Variants in SLC24A3 observed in about 807,000 individuals in gnomAD.
SLC24A3 encodes sodium/potassium/calcium exchanger 3.
SLC24A3 carries 28 observed loss-of-function variants against 75.8 expected under a neutral mutation model. The observed-to-expected ratio is 0.37, with a 90% confidence interval of 0.27 to 0.51. The LOEUF (loss-of-function observed/expected upper bound fraction) is 0.51, where lower values mean the gene tolerates loss of function less well. SLC24A3 is among the 20% of genes least tolerant of loss of function. The probability of loss-of-function intolerance (pLI) is 0.94; values close to 1 mark genes in which losing one functional copy is unlikely to be tolerated. For synonymous variants in SLC24A3, 372 were observed against 334.1 expected, an observed-to-expected ratio of 1.11 and a Z score of -1.24; for missense variants, 663 against 847.8, an observed-to-expected ratio of 0.78 and a Z score of 2.71.
At chr20:19,536,778 G>C (rs1243628985) in intron 3 of SLC24A3, among the ~76,000 whole-genome samples, 2 of 152,178 alleles carry the variant, frequency 1.3e-5, no homozygotes, top group Admixed American at 1.3e-4. Flanking sequence ...AATGGGGAAA[G>C]GATTCCCTAT....
At chr20:19,490,428 G>A (rs931839711) in intron 2 of SLC24A3, among the ~76,000 whole-genome samples, 15 of 152,250 alleles carry the variant, frequency 9.9e-5, no homozygotes, top group African/African-American at 2.6e-4. Context: ...CTTTGTTACC[G>A]AATCCCCTGA....
intron 2 of SLC24A3, among the ~76,000 whole-genome samples, chr20:19,364,978 C>A (rs1015593239): frequency 6.6e-6 from 1 of 152,190 alleles, no homozygotes; most frequent in Admixed American, 6.5e-5. Context: ...AGGGATGCAT[C>A]AGGCAGCCTC....
intron 2 of SLC24A3, among the ~76,000 whole-genome samples, chr20:19,467,970 T>C (rs1600242005): frequency 6.6e-6 from 1 of 151,538 alleles, no homozygotes; most frequent in Non-Finnish European, 1.5e-5. Context: ...AGGTATGTCC[T>C]AGAAACCAGG....
At chr20:19,575,160 G>A (rs1234397597) in intron 3 of SLC24A3, among the ~76,000 whole-genome samples, 2 of 151,304 alleles carry the variant, frequency 1.3e-5, no homozygotes, top group Non-Finnish European at 2.9e-5. Context: ...GCTAAGGTAG[G>A]AGGATTTCTT....
intron 6 of SLC24A3, among the ~76,000 whole-genome samples, chr20:19,650,322 G>T (rs1431628108): frequency 6.6e-6 from 1 of 152,130 alleles, no homozygotes; most frequent in African/African-American, 2.4e-5. Flanking sequence ...AGTGCAAGAT[G>T]CATTTCTTGC....
chr20:19,518,789 G>A (rs1367093266), intron 3 of SLC24A3, among the ~76,000 whole-genome samples: 1 of 152,234 alleles, frequency 6.6e-6, no homozygotes, highest in African/African-American at 2.4e-5. Flanking sequence ...GTGACCCAGA[G>A]TCATCTGCCC....
chr20:19,556,215 G>A (rs898544385), intron 3 of SLC24A3, among the ~76,000 whole-genome samples: 7 of 152,008 alleles, frequency 4.6e-5, no homozygotes, highest in Non-Finnish European at 1.0e-4. Context: ...ATTTGGGGGG[G>A]ACATACACAT....
At chr20:19,524,363 C>T (rs2122567920) in intron 3 of SLC24A3, among the ~76,000 whole-genome samples, 1 of 152,338 alleles carries the variant, frequency 6.6e-6, no homozygotes, top group African/African-American at 2.4e-5. Flanking sequence ...CACAGCAAAA[C>T]TCTGGCCGGA....
intron 9 of SLC24A3, among the ~76,000 whole-genome samples, chr20:19,677,509 G>A (rs1029587403): frequency 4.6e-5 from 7 of 151,470 alleles, no homozygotes; most frequent in Non-Finnish European, 8.8e-5. Flanking sequence ...CCATGCATTC[G>A]TCACCACCCC....
intron 2 of SLC24A3, among the ~76,000 whole-genome samples, chr20:19,404,674 C>G (rs997479084): frequency 1.3e-5 from 2 of 152,166 alleles, no homozygotes; most frequent in African/African-American, 4.8e-5. Context: ...GCCCAGAGGT[C>G]GGGCTGGACA....
At chr20:19,488,445 C>T (rs1988159701) in intron 2 of SLC24A3, among the ~76,000 whole-genome samples, 1 of 152,272 alleles carries the variant, frequency 6.6e-6, no homozygotes, top group Non-Finnish European at 1.5e-5. Flanking sequence ...TTCTGTTCTC[C>T]CTCAGACCAA....
chr20:19,363,669 C>T (rs1027046812), intron 2 of SLC24A3, among the ~76,000 whole-genome samples: 3 of 152,200 alleles, frequency 2.0e-5, no homozygotes. Flanking sequence ...AGAACACACA[C>T]CCTCGTGTGG....
chr20:19,223,564 C>A (rs1481448994), intron 1 of SLC24A3, among the ~76,000 whole-genome samples: 2 of 152,074 alleles, frequency 1.3e-5, no homozygotes, highest in East Asian at 1.9e-4. Context: ...ACCTATATAA[C>A]CATGATAAAG....
chr20:19,717,764 C>T (rs1457287917), intron 16 of SLC24A3, among the ~76,000 whole-genome samples, 171 bp downstream of exon 16: 2 of 152,144 alleles, frequency 1.3e-5, no homozygotes, highest in Non-Finnish European at 2.9e-5. Flanking sequence ...ACTAGAACAC[C>T]TTCTCCCTTT....
intron 2 of SLC24A3, among the ~76,000 whole-genome samples, chr20:19,357,230 C>A (rs1008522944): frequency 2.0e-5 from 3 of 152,148 alleles, no homozygotes; most frequent in Admixed American, 6.5e-5. Flanking sequence ...CTGAGACAGG[C>A]AAGGAACAGA....
chr20:19,329,975 G>T (rs1984962498), intron 2 of SLC24A3, among the ~76,000 whole-genome samples: 1 of 152,128 alleles, frequency 6.6e-6, no homozygotes. Context: ...CCCTCGAGCT[G>T]GTTGGAATTA....
Position 19,673,663 on chromosome 20 carries a change from A to G in SLC24A3, c.767+9A>G, listed in dbSNP as rs368407458. On this transcript the variant is annotated intron_variant, in intron 9 of 16. Transcript: ENST00000328041. ...TACATTGTCATCATGAAGTAAGTAA[A>G]ATTTTTCATTTCTTATCCAAAACTG... 8 of 1,611,840 alleles carry G rather than the reference A, an allele frequency of 5.0e-6. 1 individual carries two copies. In the African/African-American group the frequency reaches 9.3e-5, roughly 19 times the overall value.
At chr20:19,240,299 T>A (rs1201728479) in intron 1 of SLC24A3, among the ~76,000 whole-genome samples, 2 of 152,182 alleles carry the variant, frequency 1.3e-5, no homozygotes, top group Non-Finnish European at 2.9e-5. Context: ...ATGGTGTACA[T>A]CTGAGGTTCC....
intron 2 of SLC24A3, among the ~76,000 whole-genome samples, chr20:19,493,014 G>A (rs188914089): frequency 6.0e-4 from 92 of 152,304 alleles, no homozygotes; most frequent in Non-Finnish European, 1.1e-3. Context: ...TCTCACTGCC[G>A]ATATCTGACT....
Sources: gnomAD v4.1 joint callset for allele counts (sites outside exome capture counted in the v4.1 genomes callset) on GRCh38, gnomAD v4.1.1 for gene constraint, MANE v1.5 for transcripts, NCBI Gene and HGNC (gene_info 2026-07-23, HGNC 2026-07-21) for gene names.